The following AKR1C8 variants were observed in gnomAD, a reference collection of about 807,000 sequenced individuals.
AKR1C8 encodes the protein aldo-keto reductase family 1 member C-like protein 1.
At chr10:5,155,568 C>T in the AKR1C8 span, 1 of 349,586 alleles carries the variant, frequency 2.9e-6, no homozygotes, top group African/African-American at 2.2e-5. Context: ...CTATTTCACC[C>T]CATGCCTGAA....
the AKR1C8 span, among the ~76,000 whole-genome samples, chr10:5,165,841 G>C: frequency 6.6e-6 from 1 of 152,042 alleles, no homozygotes; most frequent in Non-Finnish European, 1.5e-5. Flanking sequence ...GGTAACTCCA[G>C]GGAGGCTTAT....
At chr10:5,153,438 A>T in the AKR1C8 span, among the ~76,000 whole-genome samples, 1 of 152,290 alleles carries the variant, frequency 6.6e-6, no homozygotes, top group East Asian at 1.9e-4. Context: ...TGATTATTTC[A>T]AGTTTATAAA....
the AKR1C8 span, among the ~76,000 whole-genome samples, chr10:5,165,430 T>C: frequency 6.6e-6 from 1 of 152,096 alleles, no homozygotes; most frequent in Non-Finnish European, 1.5e-5. Context: ...TTGTCAGCCC[T>C]TTGCTCAAAA....
chr10:5,121,488 G>A, the AKR1C8 span, among the ~76,000 whole-genome samples: 1 of 152,124 alleles, frequency 6.6e-6, no homozygotes, highest in Non-Finnish European at 1.5e-5. Flanking sequence ...GTTGTGACAG[G>A]CGAAGAAAGC....
the AKR1C8 span, among the ~76,000 whole-genome samples, chr10:5,141,477 G>A: frequency 1.3e-5 from 2 of 152,056 alleles, no homozygotes; most frequent in African/African-American, 4.8e-5. Context: ...ATTCTTTCCA[G>A]AAGGCTTTCC....
At chr10:5,177,973 A>C in the AKR1C8 span, among the ~76,000 whole-genome samples, 147 of 151,952 alleles carry the variant, frequency 9.7e-4, no homozygotes, top group Middle Eastern at 3.4e-3. Flanking sequence ...TTGTGTCTCT[A>C]TTTCCTTCAG....
chr10:5,150,803 A>G, the AKR1C8 span, among the ~76,000 whole-genome samples: 1 of 152,130 alleles, frequency 6.6e-6, no homozygotes, highest in African/African-American at 2.4e-5. Context: ...AAGAAATAAG[A>G]CCTAATCAAG....
At chr10:5,151,679 C>T in the AKR1C8 span, among the ~76,000 whole-genome samples, 1 of 151,618 alleles carries the variant, frequency 6.6e-6, no homozygotes, top group Non-Finnish European at 1.5e-5. Context: ...ACCTCAGCCT[C>T]CTAAGTAGCT....
the AKR1C8 span, among the ~76,000 whole-genome samples, chr10:5,166,466 C>G: frequency 3.0e-4 from 46 of 152,114 alleles, no homozygotes; most frequent in East Asian, 7.3e-3. Context: ...CAGAACAGAG[C>G]CCTCAGAAAT....
At chr10:5,142,344 C>T in the AKR1C8 span, among the ~76,000 whole-genome samples, 1 of 152,068 alleles carries the variant, frequency 6.6e-6, no homozygotes, top group Non-Finnish European at 1.5e-5. Flanking sequence ...GCATTCTAAC[C>T]ATTTCGTATT....
At chr10:5,151,914 C>T in the AKR1C8 span, among the ~76,000 whole-genome samples, 1 of 152,060 alleles carries the variant, frequency 6.6e-6, no homozygotes, top group Non-Finnish European at 1.5e-5. Flanking sequence ...TGGGAAAAGG[C>T]CAATGACCAC....
chr10:5,145,276 A>C, the AKR1C8 span, among the ~76,000 whole-genome samples: 1 of 152,210 alleles, frequency 6.6e-6, no homozygotes. Context: ...CATTCAGGAC[A>C]TAGGCATGGG....
chr10:5,137,233 T>C, the AKR1C8 span, among the ~76,000 whole-genome samples: 5 of 151,896 alleles, frequency 3.3e-5, no homozygotes, highest in Non-Finnish European at 5.9e-5. Context: ...GCTCCCAGCG[T>C]GATTGATGCA....
the AKR1C8 span, among the ~76,000 whole-genome samples, chr10:5,144,800 A>G: frequency 1.3e-5 from 2 of 152,086 alleles, no homozygotes; most frequent in African/African-American, 2.4e-5. Flanking sequence ...TAGATATACA[A>G]TCATGTCGTC....
At chr10:5,174,796 A>C in the AKR1C8 span, among the ~76,000 whole-genome samples, 1 of 152,096 alleles carries the variant, frequency 6.6e-6, no homozygotes, top group East Asian at 1.9e-4. Context: ...TATTTTGCCT[A>C]GGAATAAAAG....
chr10:5,126,357 G>T, the AKR1C8 span, among the ~76,000 whole-genome samples: 1 of 152,136 alleles, frequency 6.6e-6, no homozygotes, highest in South Asian at 2.1e-4. Flanking sequence ...CATTTCTACA[G>T]ATGAAAAGAG....
the AKR1C8 span, among the ~76,000 whole-genome samples, chr10:5,144,272 T>A: frequency 6.6e-6 from 1 of 152,182 alleles, no homozygotes; most frequent in Non-Finnish European, 1.5e-5. Context: ...TTTTGGTTAC[T>A]GTAGCCTTGT....
At chr10:5,144,889 C>T in the AKR1C8 span, among the ~76,000 whole-genome samples, 1 of 151,498 alleles carries the variant, frequency 6.6e-6, no homozygotes, top group Non-Finnish European at 1.5e-5. Context: ...TTGCCCTGGC[C>T]AGAACTTCCA....
chr10:5,157,819 A>T, the AKR1C8 span: 1 of 465,726 alleles, frequency 2.1e-6, no homozygotes, highest in Non-Finnish European at 4.5e-6. Context: ...GAGGGAACAG[A>T]CACAGATGTG....
Sources: gnomAD v4.1 joint callset for allele counts (sites outside exome capture counted in the v4.1 genomes callset) on GRCh38, gnomAD v4.1.1 for gene constraint, MANE v1.5 for transcripts, NCBI Gene and HGNC (gene_info 2026-07-23, HGNC 2026-07-21) for gene names.